STRN: variants seen among roughly 807,000 people sequenced by gnomAD.
STRN encodes the protein striatin.
A neutral mutation model predicts 96.3 loss-of-function variants in STRN; 53 were observed. The ratio of observed to expected loss-of-function variants is 0.55; its 90% CI spans 0.44 to 0.69. STRN has a LOEUF of 0.69. Ranked by LOEUF, STRN falls within the 30% of genes least tolerant of loss-of-function variation. The probability of loss-of-function intolerance (pLI) is 0.00; values close to 1 mark genes in which losing one functional copy is unlikely to be tolerated. For synonymous variants in STRN, 428 were observed against 355.9 expected, an observed-to-expected ratio of 1.20 and a Z score of -2.28; for missense variants, 987 against 963.9, an observed-to-expected ratio of 1.02 and a Z score of -0.32.
chr2:36,875,627 A>G (rs949796983), intron 10 of STRN, among the ~76,000 whole-genome samples: 1 of 151,600 alleles, frequency 6.6e-6, no homozygotes, highest in Non-Finnish European at 1.5e-5. Context: ...AACATGAAAT[A>G]TAAGGCAACA....
At chr2:36,858,323 G>A (rs1266932653) in intron 13 of STRN, among the ~76,000 whole-genome samples, 2 of 151,814 alleles carry the variant, frequency 1.3e-5, no homozygotes, top group African/African-American at 2.4e-5. Flanking sequence ...TTTAAAGCAC[G>A]TTGATACGAA....
At chr2:36,899,804 C>A in intron 5 of STRN, 146 bp from the exon 6 acceptor site, 1 of 783,538 alleles carries the variant, frequency 1.3e-6, no homozygotes, top group Middle Eastern at 3.5e-4. Context: ...ATCAATTACA[C>A]TCTCACAAAT....
At chr2:36,954,283 G>C (rs1246359619) in intron 1 of STRN, among the ~76,000 whole-genome samples, 1 of 152,018 alleles carries the variant, frequency 6.6e-6, no homozygotes, top group Non-Finnish European at 1.5e-5. Flanking sequence ...GGCTGAGGCA[G>C]ATGGATCACT....
intron 6 of STRN, among the ~76,000 whole-genome samples, chr2:36,897,882 G>T (rs553120738): frequency 6.6e-6 from 1 of 152,046 alleles, no homozygotes; most frequent in East Asian, 1.9e-4. Context: ...TTAGATATGG[G>T]GTCTTGCTAT....
chr2:36,851,395 A>T (rs1668219104), intron 15 of STRN, among the ~76,000 whole-genome samples: 1 of 152,092 alleles, frequency 6.6e-6, no homozygotes, highest in African/African-American at 2.4e-5. Context: ...AGGCAGGAAA[A>T]TCACTTGAAC....
At chr2:36,884,452 C>A (rs1277640134) in intron 8 of STRN, among the ~76,000 whole-genome samples, 2 of 152,156 alleles carry the variant, frequency 1.3e-5, no homozygotes, top group Admixed American at 1.3e-4. Flanking sequence ...AATTAAGTTG[C>A]ATTAATTGCC....
At chr2:36,895,377 A>G (rs1669512058) in intron 6 of STRN, among the ~76,000 whole-genome samples, 1 of 152,032 alleles carries the variant, frequency 6.6e-6, no homozygotes. Context: ...TTATTTAATG[A>G]TGCTAGAATA....
At chr2:36,873,476 C>A (rs1036149809) in intron 10 of STRN, among the ~76,000 whole-genome samples, 1 of 152,018 alleles carries the variant, frequency 6.6e-6, no homozygotes, top group Non-Finnish European at 1.5e-5. Context: ...GGGAGGAGAG[C>A]CTGAGCCCAG....
intron 3 of STRN, among the ~76,000 whole-genome samples, chr2:36,909,252 C>A (rs1001280171): frequency 5.9e-5 from 9 of 151,924 alleles, no homozygotes; most frequent in Admixed American, 2.0e-4. Context: ...GCAGTTCTTT[C>A]CATGGTTAGT....
intron 6 of STRN, among the ~76,000 whole-genome samples, chr2:36,894,631 A>G (rs909470491): frequency 1.1e-4 from 17 of 152,210 alleles, no homozygotes; most frequent in African/African-American, 4.1e-4. Flanking sequence ...AGAAATTAGG[A>G]TGCTAGGTTT....
chr2:36,877,450 CA>C (rs1295439697), intron 10 of STRN, among the ~76,000 whole-genome samples: 3 of 152,180 alleles, frequency 2.0e-5, no homozygotes, highest in African/African-American at 7.2e-5. Context: ...ACGTATCTTT[CA>C]AAGTTTGCAA....
chr2:36,865,900 T>G (rs1668609994), intron 12 of STRN, among the ~76,000 whole-genome samples: 1 of 152,100 alleles, frequency 6.6e-6, no homozygotes, highest in Non-Finnish European at 1.5e-5. Context: ...ACCATAAATT[T>G]CCCTCTCAAC....
intron 7 of STRN, among the ~76,000 whole-genome samples, chr2:36,892,374 A>G (rs1402041363): frequency 6.6e-6 from 1 of 152,178 alleles, no homozygotes; most frequent in African/African-American, 2.4e-5. Flanking sequence ...TCATCACGCA[A>G]TATACCCAAG....
At chr2:36,902,809 A>G (rs888363665) in intron 4 of STRN, 58 bp from the exon 5 acceptor site, 1 of 1,385,218 alleles carries the variant, frequency 7.2e-7, no homozygotes, top group Non-Finnish European at 9.8e-7. Flanking sequence ...CTATAATTTA[A>G]TATGTAAATA....
chr2:36,945,526 G>C (rs1427348060), intron 1 of STRN, among the ~76,000 whole-genome samples: 1 of 152,160 alleles, frequency 6.6e-6, no homozygotes, highest in Non-Finnish European at 1.5e-5. Flanking sequence ...AATTAGCTGG[G>C]TGTGGTGGCA....
chr2:36,872,334 T>C (rs768082032), intron 10 of STRN, among the ~76,000 whole-genome samples: 7 of 152,140 alleles, frequency 4.6e-5, no homozygotes, highest in African/African-American at 7.2e-5. Flanking sequence ...TCTCCACCAA[T>C]AGACAGCAAA....
intron 1 of STRN, among the ~76,000 whole-genome samples, chr2:36,945,530 G>C (rs377119929): frequency 2.0e-5 from 3 of 152,224 alleles, no homozygotes; most frequent in Non-Finnish European, 4.4e-5. Context: ...AGCTGGGTGT[G>C]GTGGCATGCA....
At chr2:36,898,595 C>T (rs1369590908) in intron 6 of STRN, among the ~76,000 whole-genome samples, 1 of 152,128 alleles carries the variant, frequency 6.6e-6, no homozygotes, top group Non-Finnish European at 1.5e-5. Flanking sequence ...CTCTTTGTTC[C>T]TCACAAAATC....
At chr2:36,966,161 AG>A in intron 1 of STRN, 68 bp downstream of exon 1, 3 of 1,163,900 alleles carry the variant, frequency 2.6e-6, no homozygotes, top group Non-Finnish European at 1.1e-6. Flanking sequence ...GAGGGGGAGA[AG>A]GGTCCGGGGC....
Sources: allele counts gnomAD v4.1 joint callset (sites outside exome capture counted in the v4.1 genomes callset), GRCh38; gene constraint gnomAD v4.1.1; transcripts MANE v1.5; gene names NCBI Gene and HGNC (gene_info 2026-07-23, HGNC 2026-07-21).